LRRC49: variants seen among roughly 807,000 people sequenced by gnomAD.
The protein encoded by LRRC49 is leucine rich repeat containing 49.
A neutral mutation model predicts 83.3 loss-of-function variants in LRRC49; 50 were observed. The ratio of observed to expected loss-of-function variants is 0.60; its 90% CI spans 0.48 to 0.76. LRRC49 has a LOEUF of 0.76. Among genes scored for constraint, LRRC49 ranks in the 30% least tolerant of loss-of-function variants. The pLI is 0.00. For synonymous variants in LRRC49, 286 were observed against 283.3 expected (o/e 1.01, Z -0.10); for missense variants, 704 against 809.1 (o/e 0.87, Z 1.58).
intron 1 of LRRC49, among the ~76,000 whole-genome samples, chr15:70,858,328 G>T (rs1252439232): frequency 6.6e-6 from 1 of 152,176 alleles, no homozygotes; most frequent in Non-Finnish European, 1.5e-5. Context: ...ACAGCTGGGT[G>T]CAGTGGCTCA....
At chr15:70,866,580 G>A (rs939813734) in intron 1 of LRRC49, among the ~76,000 whole-genome samples, 3 of 152,110 alleles carry the variant, frequency 2.0e-5, no homozygotes, top group Non-Finnish European at 4.4e-5. Context: ...CCTTACAGAT[G>A]AGACTCCAGA....
chr15:70,959,358 G>A (rs2036514436), intron 8 of LRRC49, among the ~76,000 whole-genome samples: 1 of 152,076 alleles, frequency 6.6e-6, no homozygotes, highest in African/African-American at 2.4e-5. Flanking sequence ...GGGTGTGGTG[G>A]TGCATGCCTG....
chr15:71,037,095 TCTC>T (rs1379444687), intron 14 of LRRC49, 81 bp from the exon 15 acceptor site: 1 of 902,942 alleles, frequency 1.1e-6, no homozygotes, highest in African/African-American at 1.7e-5. Context: ...AAGTATATGT[TCTC>T]CTCTAAAGTC....
At chr15:70,979,802 C>G (rs1033815005) in intron 9 of LRRC49, among the ~76,000 whole-genome samples, 3 of 152,036 alleles carry the variant, frequency 2.0e-5, no homozygotes, top group Admixed American at 6.6e-5. Flanking sequence ...GCACAGCGTA[C>G]AAAAGGAAAA....
At chr15:70,892,206 AG>A (rs771584298), upstream of LRRC49, 36 of 1,602,870 alleles carry the variant, frequency 2.2e-5, 1 homozygote, top group South Asian at 4.0e-4. Flanking sequence ...TCCTTGGGAA[AG>A]CGGAACAGCG....
chr15:70,947,948 G>A (rs1233783018), intron 8 of LRRC49, among the ~76,000 whole-genome samples: 1 of 152,082 alleles, frequency 6.6e-6, no homozygotes, highest in East Asian at 1.9e-4. Context: ...ACAGGAAAGG[G>A]GTGTTTTATT....
chr15:70,880,256 T>C (rs1387976343), intron 2 of LRRC49, among the ~76,000 whole-genome samples: 1 of 152,204 alleles, frequency 6.6e-6, no homozygotes, highest in South Asian at 2.1e-4. Flanking sequence ...CCCACCTCAA[T>C]TAACATCTTC....
chr15:71,042,610 G>A (rs904322118), intron 15 of LRRC49, among the ~76,000 whole-genome samples: 4 of 152,114 alleles, frequency 2.6e-5, no homozygotes, highest in Non-Finnish European at 4.4e-5. Flanking sequence ...AATCACTGCA[G>A]CACAAAGTGC....
chr15:71,003,110 T>C (rs1037743050), intron 11 of LRRC49, among the ~76,000 whole-genome samples: 4 of 152,032 alleles, frequency 2.6e-5, no homozygotes, highest in Non-Finnish European at 5.9e-5. Flanking sequence ...GCTAATTTTG[T>C]ATTTTTAGTA....
At chr15:70,856,963 G>C (rs2032669894) in intron 1 of LRRC49, among the ~76,000 whole-genome samples, 1 of 152,074 alleles carries the variant, frequency 6.6e-6, no homozygotes, top group Non-Finnish European at 1.5e-5. Flanking sequence ...GTCCCACCCA[G>C]GCCTGTCTTG....
chr15:70,924,224 C>G (rs2035112037), intron 7 of LRRC49, among the ~76,000 whole-genome samples: 1 of 151,830 alleles, frequency 6.6e-6, no homozygotes, highest in East Asian at 1.9e-4. Flanking sequence ...CAACCTTTCT[C>G]TTAAAAAGAA....
chr15:70,882,012 G>A (rs1253005185), intron 2 of LRRC49: 3 of 154,902 alleles, frequency 1.9e-5, no homozygotes, highest in Non-Finnish European at 4.3e-5. Flanking sequence ...AAATCATTTA[G>A]TAGTGTCAGG....
At chr15:71,049,373 A>G (rs1448914361) in intron 15 of LRRC49, 36 bp from the exon 16 acceptor site, 2 of 1,372,230 alleles carry the variant, frequency 1.5e-6, no homozygotes, top group Admixed American at 2.1e-5. Flanking sequence ...TGGATTAGTT[A>G]TGATTTAATA....
At chr15:71,036,012 C>T (rs1240731701) in intron 14 of LRRC49, among the ~76,000 whole-genome samples, 2 of 152,002 alleles carry the variant, frequency 1.3e-5, no homozygotes, top group African/African-American at 4.8e-5. Context: ...CTGTTGTTTC[C>T]TGACTTTTTA....
At chr15:71,018,349 A>C (rs2038891820) in intron 14 of LRRC49, among the ~76,000 whole-genome samples, 2 of 152,164 alleles carry the variant, frequency 1.3e-5, no homozygotes, top group Admixed American at 6.5e-5. Flanking sequence ...TTTGAGTTTT[A>C]ATCTGTATAA....
chr15:70,905,935 C>T (rs1014161092), intron 5 of LRRC49, among the ~76,000 whole-genome samples: 2 of 151,900 alleles, frequency 1.3e-5, no homozygotes, highest in African/African-American at 4.8e-5. Context: ...TCAGAGAATT[C>T]TTTTTATGGC....
At position 70,955,865 on chromosome 15, in the gene LRRC49, A is replaced by G. The variant is rs577888066; in HGVS notation, c.774-7920A>G. On this transcript the variant is annotated intron_variant, in intron 8 of 15. Coordinates refer to ENST00000260382, the MANE Select transcript of LRRC49 (RefSeq NM_017691.5). ...ATTACTCTTTAATATTTGATCATAT[A>G]TTATACATCTTTCTAGTTATTTTAT... is the stretch of plus-strand genomic sequence containing the variant. Among the ~76,000 whole-genome samples, 3 of 152,300 alleles carry G rather than the reference A, an allele frequency of 2.0e-5. No homozygotes were observed. The East Asian group carries it at 5.8e-4, about 29-fold the overall frequency.
intron 11 of LRRC49, among the ~76,000 whole-genome samples, chr15:71,001,694 A>ATT (rs957956419): frequency 6.9e-6 from 1 of 145,578 alleles, no homozygotes; most frequent in Non-Finnish European, 1.5e-5. Flanking sequence ...TCTATCTGCT[A>ATT]TTTTTTTTTT....
upstream of LRRC49, chr15:70,892,425 T>C (rs1204489972): frequency 6.5e-7 from 1 of 1,537,484 alleles, no homozygotes; most frequent in South Asian, 1.2e-5. Context: ...TCACCGGAAG[T>C]GGCGATCTGG....
Sources: allele counts gnomAD v4.1 joint callset (sites outside exome capture counted in the v4.1 genomes callset), GRCh38; gene constraint gnomAD v4.1.1; transcripts MANE v1.5; gene names NCBI Gene and HGNC (gene_info 2026-07-23, HGNC 2026-07-21).